CCDC7: variants seen among roughly 807,000 people sequenced by gnomAD.
The protein encoded by CCDC7 is coiled-coil domain-containing protein 7.
In CCDC7, 183 loss-of-function variants were observed where a neutral mutation model predicts 196.9. The observed-to-expected ratio is 0.93, with a 90% CI of 0.82 to 1.05. The LOEUF is 1.05. Among genes scored for constraint, CCDC7 ranks in the 50% least tolerant of loss-of-function variants. The probability of loss-of-function intolerance (pLI) is 0.00; values close to 1 mark genes in which losing one functional copy is unlikely to be tolerated. For missense variants in CCDC7, 1,540 were observed against 1,482.2 expected (o/e 1.04, Z -0.64); for synonymous variants, 525 against 484.6 (o/e 1.08, Z -1.10).
chr10:32,448,856 T>C (rs2032192034), upstream of CCDC7, among the ~76,000 whole-genome samples: 1 of 152,138 alleles, frequency 6.6e-6, no homozygotes, highest in Non-Finnish European at 1.5e-5. Flanking sequence ...CTTTTAATAC[T>C]TATCACTATT....
At chr10:32,860,317 T>A (rs911762007) in intron 41 of CCDC7, among the ~76,000 whole-genome samples, 8 of 152,156 alleles carry the variant, frequency 5.3e-5, no homozygotes, top group Non-Finnish European at 1.0e-4. Context: ...AAAAGCCACA[T>A]GATTATTTCA....
intron 28 of CCDC7, among the ~76,000 whole-genome samples, chr10:32,765,340 G>T (rs994977947): frequency 6.6e-6 from 1 of 151,952 alleles, no homozygotes; most frequent in African/African-American, 2.4e-5. Flanking sequence ...TGTCATGATG[G>T]TCCACTGGAA....
At chr10:32,512,682 C>A (rs937789972) in intron 9 of CCDC7, 13 of 152,098 alleles carry the variant, frequency 8.5e-5, no homozygotes, top group South Asian at 8.3e-4. Flanking sequence ...ACAAGGTAAG[C>A]AGTAGACTGG....
Position 32,525,374 on chromosome 10 carries a change from A to G in CCDC7, c.993+6869A>G, listed in dbSNP as rs75338786. Among the ~76,000 whole-genome samples, 28 of 152,310 alleles carry G rather than the reference A, an allele frequency of 1.8e-4. No individual in the cohort carries two copies. In the Middle Eastern group the frequency reaches 0.01, roughly 56 times the overall value. On this transcript the variant is annotated intron_variant, in intron 11 of 41. Transcript: ENST00000639629. The stretch of plus-strand genomic sequence containing the variant: ...TTCAGCATGTCAATTGCATTTTTCA[A>G]TTCCAGAATTTCTGCTTGATTCTTT...
intron 20 of CCDC7, among the ~76,000 whole-genome samples, chr10:32,656,987 C>G (rs2070051127): frequency 6.6e-6 from 1 of 152,178 alleles, no homozygotes. Flanking sequence ...GTTCAAAATC[C>G]AATAGGGCAG....
chr10:32,668,094 A>G (rs2073214925), intron 21 of CCDC7, among the ~76,000 whole-genome samples: 1 of 151,994 alleles, frequency 6.6e-6, no homozygotes, highest in African/African-American at 2.4e-5. Context: ...CGTCCCTTGT[A>G]AGTTGGATTC....
chr10:32,533,540 T>A (rs1002529133), intron 11 of CCDC7, among the ~76,000 whole-genome samples: 1 of 152,092 alleles, frequency 6.6e-6, no homozygotes, highest in Non-Finnish European at 1.5e-5. Context: ...TGTTTTATTT[T>A]TTTTCAGATT....
At chr10:32,716,204 C>G (rs972140571) in intron 25 of CCDC7, among the ~76,000 whole-genome samples, 4 of 152,226 alleles carry the variant, frequency 2.6e-5, no homozygotes, top group Admixed American at 6.5e-5. Context: ...CAGCAGATCT[C>G]TCTGCAGAAG....
At chr10:32,814,719 T>C (rs1269738944) in intron 31 of CCDC7, among the ~76,000 whole-genome samples, 1 of 152,208 alleles carries the variant, frequency 6.6e-6, no homozygotes, top group Non-Finnish European at 1.5e-5. Context: ...GTTGACTCTA[T>C]ATGGTAAAAA....
intron 41 of CCDC7, among the ~76,000 whole-genome samples, chr10:32,864,537 G>A (rs1330884509): frequency 6.6e-6 from 1 of 150,708 alleles, no homozygotes; most frequent in Non-Finnish European, 1.5e-5. Context: ...ATTAAAATCA[G>A]AAATTTTCAT....
chr10:32,664,361 A>G (rs2072183683), intron 21 of CCDC7, among the ~76,000 whole-genome samples, 200 bp downstream of exon 22: 1 of 152,022 alleles, frequency 6.6e-6, no homozygotes, highest in South Asian at 2.1e-4. Context: ...TTATTTTTTT[A>G]TATTGAGAAG....
chr10:32,765,090 A>G (rs1463713266), intron 28 of CCDC7, among the ~76,000 whole-genome samples: 4 of 151,956 alleles, frequency 2.6e-5, no homozygotes, highest in African/African-American at 7.2e-5. Context: ...TGGCCTCTCA[A>G]TCAATTCCCA....
chr10:32,588,323 C>T (rs1014916335), intron 18 of CCDC7, among the ~76,000 whole-genome samples: 19 of 152,022 alleles, frequency 1.2e-4, no homozygotes, highest in Non-Finnish European at 2.1e-4. Flanking sequence ...TGGAAGTTTT[C>T]TTCTATTCAT....
chr10:32,862,412 GT>G (rs1220355755), intron 41 of CCDC7, among the ~76,000 whole-genome samples: 12 of 148,782 alleles, frequency 8.1e-5, no homozygotes, highest in Non-Finnish European at 1.5e-4. Flanking sequence ...ACTGGGGCTT[GT>G]CGGGGGTTGG....
At chr10:32,470,790 T>A (rs2037787557) in intron 5 of CCDC7, among the ~76,000 whole-genome samples, 1 of 152,166 alleles carries the variant, frequency 6.6e-6, no homozygotes, top group East Asian at 1.9e-4. Context: ...TTATTGTTAT[T>A]GGACTTGCTT....
intron 31 of CCDC7, among the ~76,000 whole-genome samples, chr10:32,820,427 G>C (rs915519276): frequency 5.3e-5 from 8 of 152,126 alleles, no homozygotes; most frequent in African/African-American, 1.9e-4. Context: ...TCCCCATTAA[G>C]CTACCAATGA....
At chr10:32,817,505 C>T (rs536299831) in intron 31 of CCDC7, among the ~76,000 whole-genome samples, 46 of 151,800 alleles carry the variant, frequency 3.0e-4, no homozygotes, top group African/African-American at 1.1e-3. Flanking sequence ...AGATACTCCT[C>T]GAGAAGAGCA....
downstream of CCDC7, chr10:32,876,533 T>C (rs2094600927): frequency 1.3e-6 from 1 of 793,402 alleles, no homozygotes; most frequent in African/African-American, 1.8e-5. Flanking sequence ...GGAAATACAG[T>C]GGATCAACAG....
chr10:32,617,542 C>T (rs537878416), intron 18 of CCDC7, among the ~76,000 whole-genome samples: 2 of 151,668 alleles, frequency 1.3e-5, no homozygotes, highest in East Asian at 1.9e-4. Context: ...TTTTCATTGA[C>T]CCAGTGATCA....
Sources: gnomAD v4.1 joint callset for allele counts (sites outside exome capture counted in the v4.1 genomes callset) on GRCh38, gnomAD v4.1.1 for gene constraint, MANE v1.5 for transcripts, NCBI Gene and HGNC (gene_info 2026-07-23, HGNC 2026-07-21) for gene names.